The following CCSER1 variants were observed in gnomAD, a reference collection of about 807,000 sequenced individuals.
CCSER1 encodes the protein serine-rich coiled-coil domain-containing protein 1.
CCSER1 carries 41 observed loss-of-function variants against 82.0 expected under a neutral mutation model. The observed-to-expected ratio is 0.50, with a 90% CI of 0.39 to 0.65. The LOEUF is 0.65. Among genes scored for constraint, CCSER1 ranks in the 30% least tolerant of loss-of-function variants. The pLI is 0.00. For synonymous variants in CCSER1, 414 were observed against 383.9 expected (o/e 1.08, Z -0.92); for missense variants, 1,119 against 1,064.2 (o/e 1.05, Z -0.72).
At chr4:91,345,948 C>T (rs1018063916) in intron 10 of CCSER1, among the ~76,000 whole-genome samples, 2 of 151,820 alleles carry the variant, frequency 1.3e-5, no homozygotes, top group Non-Finnish European at 2.9e-5. Context: ...TATATATAGT[C>T]TTTTCAGATT....
intron 5 of CCSER1, among the ~76,000 whole-genome samples, chr4:90,595,953 A>C (rs1783281369): frequency 6.6e-6 from 1 of 151,930 alleles, no homozygotes; most frequent in African/African-American, 2.4e-5. Context: ...TGCAAATTTC[A>C]GTGTTCATAC....
At chr4:90,431,991 C>T (rs1267416433) in intron 4 of CCSER1, among the ~76,000 whole-genome samples, 2 of 152,062 alleles carry the variant, frequency 1.3e-5, no homozygotes, top group Non-Finnish European at 2.9e-5. Flanking sequence ...GACTCTGCTG[C>T]ACGGCAGTCC....
intron 10 of CCSER1, among the ~76,000 whole-genome samples, chr4:91,211,903 T>A (rs891537665): frequency 1.3e-5 from 2 of 151,974 alleles, no homozygotes; most frequent in African/African-American, 2.4e-5. Flanking sequence ...TTTAAAAAAA[T>A]TTGTGGAAGA....
In CCSER1 at chr4:91,120,105, G is replaced by A. The variant is rs138006567; in HGVS notation, c.2217+34111G>A. On this transcript the variant is annotated intron_variant, in intron 10 of 10. Coordinates refer to ENST00000509176, the MANE Select transcript of CCSER1 (RefSeq NM_001145065.2). ...TGGGGTATGGAGATTAGAATACTTCGATTGTTTAATAATAATTTGCATAAT... is the reference window on the plus strand; with the variant it reads ...TGGGGTATGGAGATTAGAATACTTCAATTGTTTAATAATAATTTGCATAAT... Among the ~76,000 whole-genome samples the A allele has an allele frequency of 8.3e-4, 126 of 151,994 alleles. 1 individual carries two copies. The East Asian group carries it at 0.016, about 19-fold the overall frequency.
chr4:90,898,269 CTTTTTT>C (rs70963094), intron 8 of CCSER1, among the ~76,000 whole-genome samples: 9 of 52,536 alleles, frequency 1.7e-4, no homozygotes, highest in African/African-American at 4.5e-4. Flanking sequence ...TTTAATCCAT[CTTTTTT>C]TTTTTTTTTT....
intron 9 of CCSER1, among the ~76,000 whole-genome samples, chr4:90,955,116 A>G (rs2150361810): frequency 6.6e-6 from 1 of 152,256 alleles, no homozygotes; most frequent in South Asian, 2.1e-4. Context: ...CTATGTATTT[A>G]TTCTGTTTCC....
chr4:90,512,349 T>C (rs1771649936), intron 5 of CCSER1, among the ~76,000 whole-genome samples: 2 of 151,700 alleles, frequency 1.3e-5, no homozygotes, highest in South Asian at 4.2e-4. Flanking sequence ...ACAAATCCTT[T>C]TGAAAATCAA....
At position 91,296,483 on chromosome 4, in the gene CCSER1, A is replaced by ATATATATATATTTATTTATT. The variant is rs1175690764; in HGVS notation, c.2217+210492_2217+210493insATATATATTTATTTATTTAT. ...TATATATATGTATATATATATATAT[A>ATATATATATATTTATTTATT]TATTTTAATTAAATATACAGTTATC... On this transcript the variant is annotated intron_variant, in intron 10 of 10. Transcript: ENST00000509176. 1.8e-3 allele frequency among the ~76,000 whole-genome samples: 221 copies of ATATATATATATTTATTTATT among 123,952 alleles called. 3 individuals carry two copies. Among genetic ancestry groups the ATATATATATATTTATTTATT allele is most frequent in the African/African-American group, 3.0e-3 (87 of 29,172 alleles). 81.3% of individuals were successfully genotyped at this position (123,952 alleles called of 152,430 possible).
chr4:90,870,311 G>T (rs1291225941), intron 8 of CCSER1, among the ~76,000 whole-genome samples: 1 of 151,888 alleles, frequency 6.6e-6, no homozygotes, highest in African/African-American at 2.4e-5. Context: ...TGTTCACTAT[G>T]ATAACTAGCT....
chr4:90,616,718 CACACACACACACACACACACAAATA>C (rs766077599), intron 5 of CCSER1, among the ~76,000 whole-genome samples: 2,873 of 127,338 alleles, frequency 0.023, 64 homozygotes, highest in South Asian at 0.07. Flanking sequence ...CACACACACA[CACACACACACACACACACACAAATA>C]AAATAAAATA....
At chr4:91,155,428 T>C (rs1730713807) in intron 10 of CCSER1, among the ~76,000 whole-genome samples, 1 of 151,922 alleles carries the variant, frequency 6.6e-6, no homozygotes, top group African/African-American at 2.4e-5. Flanking sequence ...CCTTTATAAA[T>C]TACCCAGTGT....
At chr4:91,519,621 T>C (rs1011140048) in intron 10 of CCSER1, among the ~76,000 whole-genome samples, 1 of 152,194 alleles carries the variant, frequency 6.6e-6, no homozygotes, top group Non-Finnish European at 1.5e-5. Flanking sequence ...TGGAGTGGAC[T>C]CACAAGGGGA....
chr4:90,257,026 C>T (rs1231466246), intron 1 of CCSER1, among the ~76,000 whole-genome samples: 1 of 151,532 alleles, frequency 6.6e-6, no homozygotes, highest in Non-Finnish European at 1.5e-5. Context: ...TTTCAGGCAT[C>T]CACTGCGGGG....
At chr4:90,574,848 C>T (rs1447024038) in intron 5 of CCSER1, among the ~76,000 whole-genome samples, 2 of 151,976 alleles carry the variant, frequency 1.3e-5, no homozygotes, top group Non-Finnish European at 2.9e-5. Flanking sequence ...TAATTTCTCC[C>T]TCCAAACATC....
intron 10 of CCSER1, among the ~76,000 whole-genome samples, chr4:91,242,608 C>T (rs1322942453): frequency 2.6e-5 from 4 of 151,954 alleles, no homozygotes; most frequent in African/African-American, 9.7e-5. Flanking sequence ...AGATACAATA[C>T]CAAAAACCTT....
chr4:91,365,402 T>C (rs546251367), intron 10 of CCSER1, among the ~76,000 whole-genome samples: 1 of 152,316 alleles, frequency 6.6e-6, no homozygotes, highest in South Asian at 2.1e-4. Context: ...GAAATATTAC[T>C]TTCAATAACA....
At chr4:90,946,669 A>G (rs1352028046) in intron 9 of CCSER1, among the ~76,000 whole-genome samples, 2 of 151,918 alleles carry the variant, frequency 1.3e-5, no homozygotes. Flanking sequence ...ATTATGACCT[A>G]GAAAGGTAAC....
chr4:90,630,252 C>T (rs532800296), intron 6 of CCSER1, among the ~76,000 whole-genome samples: 1,933 of 152,258 alleles, frequency 0.013, 23 homozygotes, highest in Middle Eastern at 0.02. Context: ...AACTTAGTAA[C>T]AGCTGTTATA....
intron 5 of CCSER1, among the ~76,000 whole-genome samples, chr4:90,490,866 G>A (rs566008481): frequency 6.6e-6 from 1 of 152,166 alleles, no homozygotes; most frequent in South Asian, 2.1e-4. Context: ...CCTCTGTTCT[G>A]TTCCATTGGT....
Sources: allele counts gnomAD v4.1 joint callset (sites outside exome capture counted in the v4.1 genomes callset), GRCh38; gene constraint gnomAD v4.1.1; transcripts MANE v1.5; gene names NCBI Gene and HGNC (gene_info 2026-07-23, HGNC 2026-07-21).